Variants in SNRK observed in about 807,000 individuals in gnomAD.
The protein encoded by SNRK is SNF-related serine/threonine-protein kinase.
SNRK carries 3 observed loss-of-function variants against 48.2 expected under a neutral mutation model. The ratio of observed to expected loss-of-function variants is 0.06; its 90% confidence interval spans 0.03 to 0.16. The LOEUF (loss-of-function observed/expected upper bound fraction) is 0.16, where lower values mean the gene tolerates loss of function less well. SNRK is among the 10% of genes least tolerant of loss of function. The pLI is 1.00. For missense variants in SNRK, 627 were observed against 976.0 expected (o/e 0.64, Z 4.76); for synonymous variants, 376 against 366.1 (o/e 1.03, Z -0.31).
chr3:43,293,843 T>C (rs1249597650), intron 1 of SNRK, among the ~76,000 whole-genome samples: 1 of 151,880 alleles, frequency 6.6e-6, no homozygotes, highest in Non-Finnish European at 1.5e-5. Context: ...TGTTTGAACC[T>C]GGGAGGTTGA....
Position 43,312,601 on chromosome 3 carries a change from C to G in SNRK, c.589+8809C>G, listed in dbSNP as rs562799428. On this transcript the variant is annotated intron_variant, in intron 3 of 6. Transcript: ENST00000296088. ...AAACAAGGCAAGGATATACATATAT[C>G]ACTTTTACTCAACATAGTACTGAAA... Among the ~76,000 whole-genome samples, 8 of 152,256 alleles carry G rather than the reference C, an allele frequency of 5.3e-5. No homozygotes were observed. The South Asian group carries it at 8.3e-4, about 16-fold the overall frequency.
intron 2 of SNRK, 130 bp from the exon 3 acceptor site, chr3:43,302,964 CCTGA>C: frequency 2.5e-6 from 1 of 400,894 alleles, no homozygotes; most frequent in Non-Finnish European, 4.4e-6. Context: ...TATTAATGAC[CCTGA>C]CTCATTTTTT....
At chr3:43,291,848 A>G (rs1418308021) in intron 1 of SNRK, among the ~76,000 whole-genome samples, 1 of 152,232 alleles carries the variant, frequency 6.6e-6, no homozygotes, top group Non-Finnish European at 1.5e-5. Context: ...TAGGACTGTT[A>G]TCCTAGCTCC....
chr3:43,332,600 G>A (rs1016968742), intron 4 of SNRK: 1 of 206,142 alleles, frequency 4.9e-6, no homozygotes, highest in Non-Finnish European at 9.6e-6. Context: ...TTCAGGAGTG[G>A]TGGTTATTTC....
At chr3:43,293,866 C>T (rs2090832318) in intron 1 of SNRK, among the ~76,000 whole-genome samples, 1 of 151,974 alleles carries the variant, frequency 6.6e-6, no homozygotes. Context: ...TTGCATTGAG[C>T]CAAGATTGTG....
intron 3 of SNRK, among the ~76,000 whole-genome samples, chr3:43,319,782 C>T (rs975558389): frequency 1.3e-5 from 2 of 152,214 alleles, no homozygotes; most frequent in African/African-American, 4.8e-5. Context: ...CCCTCTGTGG[C>T]TCTTCCCAAT....
intron 3 of SNRK, among the ~76,000 whole-genome samples, chr3:43,319,590 C>T (rs1021425115): frequency 6.6e-6 from 1 of 152,236 alleles, no homozygotes; most frequent in Non-Finnish European, 1.5e-5. Flanking sequence ...GCCTGCCTCA[C>T]TCCAGATGGC....
intron 3 of SNRK, among the ~76,000 whole-genome samples, chr3:43,308,014 A>G (rs1162395728): frequency 6.6e-6 from 1 of 152,218 alleles, no homozygotes; most frequent in Non-Finnish European, 1.5e-5. Context: ...TGTTGATATG[A>G]AGAAAGTTTT....
intron 3 of SNRK, among the ~76,000 whole-genome samples, chr3:43,309,789 A>G (rs1023491971): frequency 4.0e-5 from 6 of 151,704 alleles, no homozygotes; most frequent in Admixed American, 3.9e-4. Flanking sequence ...GCTAATTTTT[A>G]AAGTTTTGTA....
chr3:43,341,321 T>C (rs948163032), intron 5 of SNRK, among the ~76,000 whole-genome samples: 2 of 152,128 alleles, frequency 1.3e-5, no homozygotes, highest in African/African-American at 4.8e-5. Flanking sequence ...CGGCTAATTT[T>C]TTCTATTTTT....
At chr3:43,312,895 A>G (rs942951707) in intron 3 of SNRK, among the ~76,000 whole-genome samples, 3 of 152,208 alleles carry the variant, frequency 2.0e-5, no homozygotes, top group Non-Finnish European at 4.4e-5. Context: ...AAAAATAATG[A>G]TAGAAATCAA....
intron 3 of SNRK, among the ~76,000 whole-genome samples, chr3:43,318,428 A>G (rs1457564593): frequency 6.6e-6 from 1 of 152,206 alleles, no homozygotes; most frequent in Non-Finnish European, 1.5e-5. Flanking sequence ...GGGCTTTTCA[A>G]ACCACTCAAA....
At position 43,351,105 on chromosome 3, in the gene SNRK, C is replaced by T. The variant is rs1244872778; in HGVS notation, c.*2548C>T. 2 of 152,442 alleles carry T rather than the reference C, an allele frequency of 1.3e-5. No homozygotes were observed. The highest frequency in any genetic ancestry group is 4.8e-5 in the African/African-American group (2 of 41,400). 9.4% of individuals were successfully genotyped at this position (152,442 alleles called of 1,614,324 possible). ...TATGTGACAAATGGGAAAAAAAATC[C>T]AAATAATAAAGTGACATATTGGTGT... On this transcript the variant is annotated 3_prime_UTR_variant, in exon 7 of 7. Transcript: ENST00000296088.
intron 1 of SNRK, among the ~76,000 whole-genome samples, chr3:43,289,107 A>G (rs1453981018): frequency 6.6e-6 from 1 of 152,224 alleles, no homozygotes; most frequent in Non-Finnish European, 1.5e-5. Flanking sequence ...CAAGGTAAAC[A>G]GTAACAGTAC....
intron 6 of SNRK, among the ~76,000 whole-genome samples, chr3:43,345,122 A>G (rs1000756510): frequency 1.8e-4 from 28 of 152,206 alleles, no homozygotes; most frequent in Admixed American, 3.9e-4. Flanking sequence ...ATTTAAAAAT[A>G]CCAGAGCTTT....
chr3:43,303,134 T>A lies in SNRK; in HGVS notation c.-70T>A. 1.8e-6 allele frequency: 2 copies of A among 1,099,416 alleles called. No homozygotes were observed. Among genetic ancestry groups the A allele is most frequent in the Middle Eastern group, 2.1e-4 (1 of 4,788 alleles). 68.1% of individuals were successfully genotyped at this position (1,099,416 alleles called of 1,614,324 possible). On this transcript the variant is annotated 5_prime_UTR_variant, in exon 3 of 7. Coordinates refer to ENST00000296088, the MANE Select transcript of SNRK (RefSeq NM_017719.5). The surrounding 1 kb of genome is among the most constrained non-coding windows in gnomAD (Gnocchi z 6.2). ...GACATTGAAAATGAATTTTTTGTAT[T>A]CACCAGATATTCTTATATGAGAAGA...
At chr3:43,310,994 C>T (rs2090975010) in intron 3 of SNRK, among the ~76,000 whole-genome samples, 1 of 152,062 alleles carries the variant, frequency 6.6e-6, no homozygotes, top group Non-Finnish European at 1.5e-5. Context: ...GATACCTTGT[C>T]TGTGAATATG....
At chr3:43,333,522 C>T (rs903108610) in intron 4 of SNRK, 1 of 151,882 alleles carries the variant, frequency 6.6e-6, no homozygotes, top group Non-Finnish European at 1.5e-5. Context: ...TTAGCTCGGT[C>T]CTTAGCACAT....
intron 3 of SNRK, among the ~76,000 whole-genome samples, chr3:43,310,871 G>T (rs1219119084): frequency 1.3e-5 from 2 of 151,944 alleles, no homozygotes; most frequent in Non-Finnish European, 2.9e-5. Context: ...AGGTTTTCTT[G>T]GGTGCTGCTG....
Sources: allele counts gnomAD v4.1 joint callset (sites outside exome capture counted in the v4.1 genomes callset), GRCh38; gene constraint gnomAD v4.1.1; non-coding constraint Gnocchi (gnomAD v3.1); transcripts MANE v1.5; gene names NCBI Gene and HGNC (gene_info 2026-07-23, HGNC 2026-07-21).